Variants in MOGAT1 observed in about 807,000 individuals in gnomAD.
The protein encoded by MOGAT1 is monoacylglycerol O-acyltransferase 1, also known as 2-acylglycerol O-acyltransferase 1.
Under a neutral mutation model 31.4 loss-of-function variants are expected in MOGAT1, and 32 were observed. The ratio of observed to expected loss-of-function variants is 1.02; its 90% CI spans 0.77 to 1.37. The LOEUF (loss-of-function observed/expected upper bound fraction) is 1.37, where lower values mean the gene tolerates loss of function less well. MOGAT1 is among the 40% of genes most tolerant of loss of function. MOGAT1 has a pLI of 0.00. For synonymous variants in MOGAT1, 145 were observed against 144.5 expected, an observed-to-expected ratio of 1.00 and a Z score of -0.03; for missense variants, 426 against 402.0, an observed-to-expected ratio of 1.06 and a Z score of -0.51.
chr2:222,686,322 A>G (rs555866801), intron 1 of MOGAT1, among the ~76,000 whole-genome samples: 99 of 152,290 alleles, frequency 6.5e-4, no homozygotes, highest in African/African-American at 2.3e-3. Context: ...AATAACGTGT[A>G]CCTTGGGGTT....
chr2:222,696,485 A>G (rs1019614167), intron 5 of MOGAT1, among the ~76,000 whole-genome samples: 1 of 152,142 alleles, frequency 6.6e-6, no homozygotes. Context: ...GTATCGCATT[A>G]TGATTTTGAT....
At chr2:222,705,763 G>A (rs536538952) in intron 5 of MOGAT1, among the ~76,000 whole-genome samples, 1 of 152,204 alleles carries the variant, frequency 6.6e-6, no homozygotes, top group Admixed American at 6.5e-5. Flanking sequence ...GTAGACCCTC[G>A]ATAAATAATA....
intron 1 of MOGAT1, among the ~76,000 whole-genome samples, chr2:222,686,585 C>T (rs779918547): frequency 2.0e-5 from 3 of 152,060 alleles, no homozygotes; most frequent in Non-Finnish European, 4.4e-5. Flanking sequence ...ATGGAATGAT[C>T]CTGGTAGGAA....
chr2:222,708,175 C>T (rs1693034754), intron 5 of MOGAT1, among the ~76,000 whole-genome samples: 1 of 152,206 alleles, frequency 6.6e-6, no homozygotes. Context: ...CCTCTGCCTC[C>T]TGGGTTCTAG....
At position 222,709,813 on chromosome 2, in the gene MOGAT1, G is replaced by C. The variant is rs769257721; in HGVS notation, c.931G>C (p.Glu311Gln). 4.3e-6 allele frequency: 7 copies of C among 1,613,576 alleles called. No homozygotes were observed. The highest frequency in any genetic ancestry group is 5.1e-6 in the Non-Finnish European group (6 of 1,179,646). The change falls in exon 6 of 6, where the codon GAG (glutamate) becomes CAG (glutamine). Residue 311 changes from glutamate (E) to glutamine (Q), a missense_variant. Coordinates refer to ENST00000446656, the MANE Select transcript of MOGAT1 (RefSeq NM_058165.3). Reference sequence around the variant, plus strand: ...TGAGGAGTTACATCAGACCTATATGGAGGAACTTAGGAAATTGTTTGAGGA... The same window carrying C: ...TGAGGAGTTACATCAGACCTATATGCAGGAACTTAGGAAATTGTTTGAGGA... Reference protein sequence around the residue: ...QIEELHQTYMEELRKLFEEHK... With the variant: ...QIEELHQTYMQELRKLFEEHK...
At chr2:222,689,145 A>T in intron 2 of MOGAT1, 120 bp from the exon 3 acceptor site, 1 of 876,560 alleles carries the variant, frequency 1.1e-6, no homozygotes, top group Non-Finnish European at 1.7e-6. Context: ...CAACCCAGGG[A>T]ACAAAAATGA....
At chr2:222,672,270 T>C (rs1244796012) in intron 1 of MOGAT1, among the ~76,000 whole-genome samples, 1 of 152,214 alleles carries the variant, frequency 6.6e-6, no homozygotes, top group African/African-American at 2.4e-5. Flanking sequence ...GATTCATAGA[T>C]GGCAAAGTAA....
rs760429914 is a variant in MOGAT1 at position 222,709,848 on chromosome 2, A to G, written c.966A>G (p.Gly322=). Residue 322 remains glycine (G), a synonymous_variant, in exon 6 of 6, where the codon GGA becomes GGG. Transcript: ENST00000446656. Reference sequence around the variant, plus strand: ...GGAAATTGTTTGAGGAACACAAAGGAAAGTATGGCATTCCAGAGCACGAGA... The same window carrying G: ...GGAAATTGTTTGAGGAACACAAAGGGAAGTATGGCATTCCAGAGCACGAGA... The part of the protein sequence containing the change: ...ELRKLFEEHK[G]KYGIPEHETL... 22 of 1,613,314 alleles carry G rather than the reference A, an allele frequency of 1.4e-5. No homozygotes were observed. In the Admixed American group the frequency reaches 2.2e-4, roughly 16 times the overall value.
intron 1 of MOGAT1, among the ~76,000 whole-genome samples, chr2:222,681,754 C>T (rs1281341730): frequency 1.3e-5 from 2 of 152,136 alleles, no homozygotes; most frequent in Non-Finnish European, 2.9e-5. Flanking sequence ...GAAGAAAAGA[C>T]ATTGCTGTCA....
At chr2:222,678,216 A>G (rs550513525) in intron 1 of MOGAT1, 2 of 153,122 alleles carry the variant, frequency 1.3e-5, no homozygotes, top group African/African-American at 4.8e-5. Flanking sequence ...CGACTTGCCC[A>G]CATACTTCCC....
chr2:222,700,546 G>T lies in MOGAT1; in HGVS notation c.853+5258G>T, dbSNP rs7594989. Among the ~76,000 whole-genome samples the T allele has an allele frequency of 5.9e-3, 901 of 152,262 alleles. 10 individuals carry two copies. The highest frequency in any genetic ancestry group is 0.021 in the African/African-American group (860 of 41,536). On this transcript the variant is annotated intron_variant, in intron 5 of 5. Transcript: ENST00000446656. ...TTGTTTCAAACGTTTAAAAACTCAA[G>T]CTAAGAATATGTTTTGTATATGTTT...
intron 1 of MOGAT1, among the ~76,000 whole-genome samples, chr2:222,684,950 A>G (rs1316478995): frequency 6.6e-6 from 1 of 152,208 alleles, no homozygotes; most frequent in African/African-American, 2.4e-5. Flanking sequence ...ATTTATAGAG[A>G]AAAATTGTTA....
At chr2:222,676,150 CTT>C (rs59763447) in intron 1 of MOGAT1, among the ~76,000 whole-genome samples, 54 of 140,174 alleles carry the variant, frequency 3.9e-4, no homozygotes, top group Non-Finnish European at 5.6e-4. Flanking sequence ...CACTGATCTC[CTT>C]TTTTTTTTTT....
At chr2:222,709,631 G>C in intron 5 of MOGAT1, 105 bp from the exon 6 acceptor site, 3 of 1,005,902 alleles carry the variant, frequency 3.0e-6, no homozygotes, top group South Asian at 1.8e-5. Context: ...GAGCAGGCTG[G>C]AGGGATTCTG....
chr2:222,683,126 C>G (rs374904442), intron 1 of MOGAT1, among the ~76,000 whole-genome samples: 1 of 151,222 alleles, frequency 6.6e-6, no homozygotes, highest in East Asian at 2.0e-4. Flanking sequence ...ATCACCTGAG[C>G]CCAAGAGGTC....
rs753481781 is a variant in MOGAT1, at chr2:222,689,316, C to T, written c.325C>T (p.His109Tyr). The change falls in exon 3 of 6, where the codon CAC becomes TAC. Residue 109 changes from histidine to tyrosine, a missense_variant. His to Tyr is a moderately conservative substitution (Grantham distance 83, BLOSUM62 2). Coordinates refer to ENST00000446656, the MANE Select transcript of MOGAT1 (RefSeq NM_058165.3). ...AAGTCACAACTATATATTTGGGTTT[C>T]ACCCCCATGGAATAATGGCAGTTGG... ...DPSHNYIFGFHPHGIMAVGAF... is the reference protein window; with the variant it reads ...DPSHNYIFGFYPHGIMAVGAF... 3 of 1,613,848 alleles carry T rather than the reference C, an allele frequency of 1.9e-6. No individual in the cohort carries two copies. In the Admixed American group the frequency reaches 5.0e-5, roughly 27 times the overall value.
chr2:222,680,697 C>A (rs1463617781), intron 1 of MOGAT1, among the ~76,000 whole-genome samples: 1 of 152,072 alleles, frequency 6.6e-6, no homozygotes, highest in Non-Finnish European at 1.5e-5. Flanking sequence ...TTTTTGCTTG[C>A]CTCTGAATTT....
intron 3 of MOGAT1, among the ~76,000 whole-genome samples, chr2:222,693,448 G>GTTTTTT (rs11331017): frequency 1.7e-5 from 2 of 116,190 alleles, no homozygotes. Flanking sequence ...CAAATGTCTT[G>GTTTTTT]TTTTTTTTTT....
At chr2:222,694,070 G>A (rs1023231403) in intron 3 of MOGAT1, among the ~76,000 whole-genome samples, 2 of 152,136 alleles carry the variant, frequency 1.3e-5, no homozygotes, top group Non-Finnish European at 2.9e-5. Flanking sequence ...TATAAATGGT[G>A]TCCTCTAGAG....
Sources: gnomAD v4.1 joint callset for allele counts (sites outside exome capture counted in the v4.1 genomes callset) on GRCh38, gnomAD v4.1.1 for gene constraint, MANE v1.5 for transcripts, NCBI Gene and HGNC (gene_info 2026-07-23, HGNC 2026-07-21) for gene names.